The following KIAA0040 variants were observed in gnomAD, a reference collection of about 807,000 sequenced individuals.
The protein encoded by KIAA0040 is KIAA0040, also known as uncharacterized protein KIAA0040.
In KIAA0040, 10 loss-of-function variants were observed where a neutral mutation model predicts 7.2. The observed-to-expected ratio is 1.38, with a 90% CI of 0.85 to 2.34. The LOEUF (loss-of-function observed/expected upper bound fraction) is 2.34, where lower values mean the gene tolerates loss of function less well. KIAA0040 is among the 30% of genes most tolerant of loss of function. The probability of loss-of-function intolerance (pLI) is 0.00; values close to 1 mark genes in which losing one functional copy is unlikely to be tolerated. For missense variants in KIAA0040, 89 were observed against 108.2 expected (o/e 0.82, Z 0.79); for synonymous variants, 49 against 40.1 (o/e 1.22, Z -0.84).
In KIAA0040 at chr1:175,161,103, TATTCCTCTTCCAGC is replaced by T; in HGVS notation, c.-104_-91del. The T allele has an allele frequency of 4.0e-6, 5 of 1,247,112 alleles. No homozygotes were observed. The highest frequency in any genetic ancestry group is 2.8e-5 in the Admixed American group (1 of 36,078). The allele number at this position is 1,247,112 out of a possible 1,614,324, so 77.3% of individuals were successfully genotyped here. ...GATGCAACCTTGACCACTTGTAATTTATTCCTCTTCCAGCTTTGGGTTTGGGCATGCCACTGGCA... is the reference window on the plus strand; with the variant it reads ...GATGCAACCTTGACCACTTGTAATTTTTTGGGTTTGGGCATGCCACTGGCA... On this transcript the variant is annotated 5_prime_UTR_variant, in exon 4 of 4. The change creates a premature stop within an existing upstream ORF in the 5' untranslated region. Transcript: ENST00000423313.
chr1:175,169,158 G>A (rs1006540667), intron 2 of KIAA0040, among the ~76,000 whole-genome samples: 1 of 152,222 alleles, frequency 6.6e-6, no homozygotes, highest in Non-Finnish European at 1.5e-5. Context: ...TGACAAAAAA[G>A]CTAATGTTGG....
intron 1 of KIAA0040, among the ~76,000 whole-genome samples, chr1:175,183,213 T>C (rs1228210766): frequency 6.6e-6 from 1 of 152,232 alleles, no homozygotes; most frequent in African/African-American, 2.4e-5. Context: ...TCCTGTCTGC[T>C]TTCCCACTTG....
At chr1:175,179,246 G>C (rs2101900080) in intron 1 of KIAA0040, among the ~76,000 whole-genome samples, 1 of 152,302 alleles carries the variant, frequency 6.6e-6, no homozygotes, top group South Asian at 2.1e-4. Flanking sequence ...TGGGGTTGGT[G>C]TAACAGCCTC....
In KIAA0040 at chr1:175,192,695, C is replaced by G. The variant is rs911090111; in HGVS notation, c.-439G>C. 7 of 152,322 alleles carry G rather than the reference C, an allele frequency of 4.6e-5. No homozygotes were observed. Among genetic ancestry groups the G allele is most frequent in the African/African-American group, 1.4e-4 (6 of 41,472 alleles). 9.4% of individuals were successfully genotyped at this position (152,322 alleles called of 1,614,324 possible). A position where few individuals can be genotyped will look rare whatever the true frequency, so the allele number is the denominator to read the frequency against. On this transcript the variant is annotated 5_prime_UTR_variant, in exon 1 of 4. Transcript: ENST00000423313. ...CCCAGGGAATCTCCTGGTTGCTGCC[C>G]CGTCTGACAGCGCCCCGGGCCCTGG... is the stretch of plus-strand genomic sequence containing the variant.
chr1:175,162,638 G>A (rs1676591923), intron 3 of KIAA0040, among the ~76,000 whole-genome samples: 2 of 152,184 alleles, frequency 1.3e-5, no homozygotes, highest in Admixed American at 1.3e-4. Flanking sequence ...GCATACATGT[G>A]CAGCCCTCCT....
At chr1:175,162,213 A>C (rs926995527) in intron 3 of KIAA0040, among the ~76,000 whole-genome samples, 19 of 152,236 alleles carry the variant, frequency 1.2e-4, no homozygotes, top group Non-Finnish European at 1.8e-4. Context: ...GCATGATTCA[A>C]GGAAATTTAA....
chr1:175,173,023 A>G (rs1001091171), intron 2 of KIAA0040, among the ~76,000 whole-genome samples: 5 of 152,214 alleles, frequency 3.3e-5, no homozygotes, highest in Non-Finnish European at 5.9e-5. Context: ...GAATTGGTGT[A>G]GAAAGTGAGT....
intron 1 of KIAA0040, among the ~76,000 whole-genome samples, chr1:175,186,117 T>C (rs566261663): frequency 6.6e-6 from 1 of 152,252 alleles, no homozygotes; most frequent in African/African-American, 2.4e-5. Context: ...GATGGAGGGG[T>C]GATTGCACAA....
chr1:175,160,682 C>A lies in KIAA0040; in HGVS notation c.*32G>T. 6.6e-7 allele frequency: 1 copy of A among 1,516,936 alleles called. No individual in the cohort carries two copies. The highest frequency in any genetic ancestry group is 8.8e-7 in the Non-Finnish European group (1 of 1,133,108). 94.0% of individuals were successfully genotyped at this position (1,516,936 alleles called of 1,614,324 possible). On this transcript the variant is annotated 3_prime_UTR_variant, in exon 4 of 4. Coordinates refer to ENST00000423313, the MANE Select transcript of KIAA0040 (RefSeq NM_014656.3). ...TGTGTGGTCAGAAGGAGGCTTAGCC[C>A]CAGAAAGGAAACACCTCTGCTTCCT...
At chr1:175,164,291 T>C (rs1183620206) in intron 3 of KIAA0040, among the ~76,000 whole-genome samples, 3 of 152,250 alleles carry the variant, frequency 2.0e-5, no homozygotes, top group East Asian at 1.9e-4. Flanking sequence ...ATATGTTTCA[T>C]GCACTGTTGG....
intron 1 of KIAA0040, among the ~76,000 whole-genome samples, chr1:175,186,617 G>A (rs1677669429): frequency 6.6e-6 from 1 of 152,194 alleles, no homozygotes; most frequent in Admixed American, 6.5e-5. Context: ...GGGAAGCTGT[G>A]CTATCCACCC....
intron 1 of KIAA0040, among the ~76,000 whole-genome samples, chr1:175,184,292 C>T (rs1229413816): frequency 2.0e-5 from 3 of 152,164 alleles, no homozygotes; most frequent in African/African-American, 7.2e-5. Flanking sequence ...AAGAGATTTC[C>T]CAGTTCATTT....
In KIAA0040 at chr1:175,181,860, C is replaced by T. The variant is rs570695525; in HGVS notation, c.-383-4176G>A. 5.3e-5 allele frequency among the ~76,000 whole-genome samples: 8 copies of T among 152,286 alleles called. No individual in the cohort carries two copies. In the South Asian group the frequency reaches 1.5e-3, roughly 28 times the overall value. On this transcript the variant is annotated intron_variant, in intron 1 of 3. Transcript: ENST00000423313. Reference sequence around the variant, plus strand: ...CAGGCTGCTCAAGAAACCCAGCTGGCTCAGAGAAAGAATCCAGTCAAAGTG... The same window carrying T: ...CAGGCTGCTCAAGAAACCCAGCTGGTTCAGAGAAAGAATCCAGTCAAAGTG...
intron 1 of KIAA0040, among the ~76,000 whole-genome samples, chr1:175,182,658 G>A (rs890945092): frequency 6.6e-6 from 1 of 152,164 alleles, no homozygotes; most frequent in African/African-American, 2.4e-5. Flanking sequence ...GACCAGCCTG[G>A]GTCAAAGCCT....
chr1:175,187,555 G>A (rs1344416169), intron 1 of KIAA0040, among the ~76,000 whole-genome samples: 1 of 152,190 alleles, frequency 6.6e-6, no homozygotes, highest in East Asian at 1.9e-4. Context: ...AGTTGGGGAG[G>A]AACAAGAAGC....
chr1:175,182,363 C>G (rs1677474418), intron 1 of KIAA0040, among the ~76,000 whole-genome samples: 1 of 152,168 alleles, frequency 6.6e-6, no homozygotes, highest in African/African-American at 2.4e-5. Context: ...TGACTTCAAA[C>G]TGGGTGTCAC....
At chr1:175,187,140 A>G (rs1334404357) in intron 1 of KIAA0040, among the ~76,000 whole-genome samples, 1 of 152,252 alleles carries the variant, frequency 6.6e-6, no homozygotes, top group African/African-American at 2.4e-5. Flanking sequence ...TGTTATTGAC[A>G]CATCTCCCTA....
intron 2 of KIAA0040, among the ~76,000 whole-genome samples, chr1:175,173,542 C>T (rs932252366): frequency 1.6e-4 from 25 of 152,188 alleles, no homozygotes; most frequent in African/African-American, 4.3e-4. Flanking sequence ...CGCAGAAAGA[C>T]GTTTGACTCT....
chr1:175,186,275 G>C (rs759657986), intron 1 of KIAA0040, among the ~76,000 whole-genome samples: 2 of 152,208 alleles, frequency 1.3e-5, no homozygotes, highest in Non-Finnish European at 2.9e-5. Context: ...AAGAATGGCA[G>C]AGTTTCCCTT....
Sources: gnomAD v4.1 joint callset for allele counts (sites outside exome capture counted in the v4.1 genomes callset) on GRCh38, gnomAD v4.1.1 for gene constraint, MANE v1.5 for transcripts, NCBI Gene and HGNC (gene_info 2026-07-23, HGNC 2026-07-21) for gene names.